ESYT2: variants seen among roughly 807,000 people sequenced by gnomAD.
ESYT2 encodes the protein extended synaptotagmin 2.
In ESYT2, 54 loss-of-function variants were observed where a neutral mutation model predicts 107.2. The observed-to-expected ratio is 0.50, with a 90% CI of 0.40 to 0.63. The LOEUF is 0.63. Among genes scored for constraint, ESYT2 ranks in the 30% least tolerant of loss-of-function variants. ESYT2 has a pLI of 0.00. For missense variants in ESYT2, 1,020 were observed against 1,094.5 expected, an observed-to-expected ratio of 0.93 and a Z score of 0.96; for synonymous variants, 491 against 434.1, an observed-to-expected ratio of 1.13 and a Z score of -1.63.
intron 4 of ESYT2, among the ~76,000 whole-genome samples, chr7:158,790,798 T>C (rs1043564295): frequency 6.6e-6 from 1 of 152,032 alleles, no homozygotes; most frequent in African/African-American, 2.4e-5. Context: ...CATGGTGGCA[T>C]GTGCCTGTAA....
At chr7:158,804,421 C>A (rs188502023) in intron 1 of ESYT2, among the ~76,000 whole-genome samples, 1 of 144,184 alleles carries the variant, frequency 6.9e-6, no homozygotes, top group Non-Finnish European at 1.5e-5. Context: ...AAGTGAGGCA[C>A]GTGACAAACC....
intron 13 of ESYT2, among the ~76,000 whole-genome samples, chr7:158,758,960 A>G (rs1837864859): frequency 6.6e-6 from 1 of 152,212 alleles, no homozygotes; most frequent in Admixed American, 6.5e-5. Flanking sequence ...ATCTGGCAGT[A>G]GGTCATTCCG....
intron 2 of ESYT2, 66 bp from the exon 3 acceptor site, chr7:158,798,142 G>A (rs961771705): frequency 1.9e-5 from 30 of 1,562,596 alleles, no homozygotes; most frequent in South Asian, 4.6e-5. Context: ...ACGAGTGCTC[G>A]TGAGAAACCC....
At chr7:158,762,271 C>T (rs1837998108) in intron 10 of ESYT2, among the ~76,000 whole-genome samples, 1 of 152,146 alleles carries the variant, frequency 6.6e-6, no homozygotes, top group African/African-American at 2.4e-5. Flanking sequence ...ACACACTCTC[C>T]TATTTGGTCT....
intron 1 of ESYT2, among the ~76,000 whole-genome samples, chr7:158,827,090 G>A (rs1050033019): frequency 6.6e-6 from 1 of 151,296 alleles, no homozygotes; most frequent in Admixed American, 6.6e-5. Context: ...TTGAACCCTG[G>A]AGGCGGAGGT....
intron 1 of ESYT2, among the ~76,000 whole-genome samples, chr7:158,800,719 T>TTTTTC (rs1247636201): frequency 6.8e-6 from 1 of 147,692 alleles, no homozygotes; most frequent in Non-Finnish European, 1.5e-5. Flanking sequence ...TTCTTTTTCT[T>TTTTTC]TTTTCTTTTC....
intron 4 of ESYT2, among the ~76,000 whole-genome samples, chr7:158,789,305 T>C (rs1369987266): frequency 6.6e-6 from 1 of 152,224 alleles, no homozygotes. Context: ...CACTAACCTG[T>C]TGCGAAACTA....
At chr7:158,827,368 A>G (rs1840487785) in intron 1 of ESYT2, among the ~76,000 whole-genome samples, 1 of 152,124 alleles carries the variant, frequency 6.6e-6, no homozygotes, top group Non-Finnish European at 1.5e-5. Flanking sequence ...ACTTTTTAGT[A>G]TTATGCATCT....
At chr7:158,768,049 A>G (rs1838225228) in intron 7 of ESYT2, among the ~76,000 whole-genome samples, 1 of 152,250 alleles carries the variant, frequency 6.6e-6, no homozygotes, top group African/African-American at 2.4e-5. Flanking sequence ...TAAAATGGCA[A>G]AAACTGCAAA....
intron 13 of ESYT2, among the ~76,000 whole-genome samples, chr7:158,757,979 A>G (rs1366489589): frequency 1.3e-5 from 2 of 152,246 alleles, no homozygotes; most frequent in East Asian, 3.9e-4. Flanking sequence ...TCTACTGTAT[A>G]GAAATTCTGT....
Position 158,748,173 on chromosome 7 carries a change from TA to T in ESYT2, c.1644+20del, listed in dbSNP as rs779029321. The T allele has an allele frequency of 1.9e-6, 3 of 1,610,254 alleles. No homozygotes were observed. The Admixed American group carries it at 5.0e-5, about 27-fold the overall frequency. On this transcript the variant is annotated intron_variant, in intron 16 of 22. Coordinates refer to ENST00000275418, the MANE Select transcript of ESYT2 (RefSeq NM_001367773.1). ...GTCAATTATTTGTCAATAAATTGGT[TA>T]AAAAATGCAAATAAAATACCTCAAC...
intron 2 of ESYT2, among the ~76,000 whole-genome samples, chr7:158,798,302 T>C (rs1315831394): frequency 6.6e-6 from 1 of 152,222 alleles, no homozygotes; most frequent in Non-Finnish European, 1.5e-5. Context: ...TCTGGTTAAA[T>C]ATGTCAGCAC....
Position 158,734,151 on chromosome 7 carries a change from T to G in ESYT2, c.*56A>C. ...ACATTGGTACGTCTGTGAGAGGGTG[T>G]GTTCCGGGTAGAGGTGGAGAGCTAC... On this transcript the variant is annotated 3_prime_UTR_variant, in exon 23 of 23. Coordinates refer to ENST00000275418, the MANE Select transcript of ESYT2 (RefSeq NM_001367773.1). The G allele has an allele frequency of 1.3e-6, 2 of 1,581,882 alleles. No homozygotes were observed. The highest frequency in any genetic ancestry group is 1.7e-6 in the Non-Finnish European group (2 of 1,151,748).
At chr7:158,798,238 A>G (rs1192230251) in intron 2 of ESYT2, among the ~76,000 whole-genome samples, 162 bp from the exon 3 acceptor site, 3 of 152,240 alleles carry the variant, frequency 2.0e-5, no homozygotes. Context: ...AATTCTAAAA[A>G]GTTATTAGAA....
At chr7:158,776,983 G>A (rs1838589786) in intron 6 of ESYT2, among the ~76,000 whole-genome samples, 4 of 151,608 alleles carry the variant, frequency 2.6e-5, no homozygotes, top group Admixed American at 2.6e-4. Context: ...CTCCCAAGTA[G>A]CTGGGACTAC....
intron 16 of ESYT2, 142 bp from the exon 17 acceptor site, chr7:158,743,820 C>T (rs1453144065): frequency 1.1e-6 from 1 of 926,912 alleles, no homozygotes; most frequent in Non-Finnish European, 1.5e-6. Context: ...GTGGCTCACG[C>T]CTGTAATTTC....
chr7:158,741,783 A>C lies in ESYT2; in HGVS notation c.1908T>G (p.Ser636=). Residue 636 remains serine (S), a synonymous_variant, in exon 18 of 23, where the codon TCT becomes TCG. Transcript: ENST00000275418. ...TGCTGCCACCAGGGCCTGGAGACCC[A>C]GACATATGAGATTTGATGGATGTTT... ...GRKTSIKSHM[S]GSPGPGGSNT... 1 of 1,614,086 alleles carries C rather than the reference A, an allele frequency of 6.2e-7. No individual in the cohort carries two copies. The highest frequency in any genetic ancestry group is 8.5e-7 in the Non-Finnish European group (1 of 1,180,018).
At chr7:158,754,424 G>A (rs1312611387) in intron 13 of ESYT2, among the ~76,000 whole-genome samples, 1 of 151,890 alleles carries the variant, frequency 6.6e-6, no homozygotes, top group Non-Finnish European at 1.5e-5. Context: ...TGTTGGCCAG[G>A]ATGGTCTTGA....
Position 158,733,940 on chromosome 7 carries a change from C to T in ESYT2, c.*267G>A. The T allele has an allele frequency of 2.1e-6, 1 of 477,962 alleles. No homozygotes were observed. 29.6% of individuals were successfully genotyped at this position (477,962 alleles called of 1,614,324 possible). Reference sequence around the variant, plus strand: ...ACACATCCGACTCCTACGGACACAGCTGAGCAGAGTCCACAGACACAAGAG... The same window carrying T: ...ACACATCCGACTCCTACGGACACAGTTGAGCAGAGTCCACAGACACAAGAG... On this transcript the variant is annotated 3_prime_UTR_variant, in exon 23 of 23. Transcript: ENST00000275418.
Sources: allele counts gnomAD v4.1 joint callset (sites outside exome capture counted in the v4.1 genomes callset), GRCh38; gene constraint gnomAD v4.1.1; transcripts MANE v1.5; gene names NCBI Gene and HGNC (gene_info 2026-07-23, HGNC 2026-07-21).